Variants in MED13 observed in about 807,000 individuals in gnomAD.
The protein encoded by MED13 is mediator of RNA polymerase II transcription subunit 13.
Under a neutral mutation model 225.2 loss-of-function variants are expected in MED13, and 23 were observed. That is an observed-to-expected ratio of 0.10 (90% CI 0.07 to 0.14). MED13 has a LOEUF of 0.14. Among genes scored for constraint, MED13 ranks in the 10% least tolerant of loss-of-function variants. MED13 has a pLI of 1.00. For missense variants in MED13, 2,197 were observed against 2,594.5 expected (o/e 0.85, Z 3.33); for synonymous variants, 942 against 889.2 (o/e 1.06, Z -1.06).
intron 8 of MED13, among the ~76,000 whole-genome samples, chr17:62,015,860 AGTGTGTATGTGT>A (rs1224530900): frequency 1.1e-5 from 1 of 93,354 alleles, no homozygotes; most frequent in Non-Finnish European, 2.0e-5. Context: ...ATATGTGTAT[AGTGTGTATGTGT>A]GTGTGTATAT....
chr17:61,960,954 T>C lies in MED13; in HGVS notation c.5393A>G (p.His1798Arg). ...AGATGCAAGAATCCACCTTTGATCA[T>C]GTGATAAACAGTATCCCACAAAAAG... ...NVLFVGYCLS[H>R]DQRWILASCT... is the part of the protein sequence containing the mutation. The change falls in exon 23 of 30, where the codon CAT (histidine) becomes CGT (arginine). Residue 1798 changes from histidine (H) to arginine (R), a missense_variant. His to Arg is a conservative substitution (Grantham distance 29, BLOSUM62 0). Coordinates refer to ENST00000397786, the MANE Select transcript of MED13 (RefSeq NM_005121.3). 6.2e-7 allele frequency: 1 copy of C among 1,613,964 alleles called. No individual in the cohort carries two copies. Among genetic ancestry groups the C allele is most frequent in the East Asian group, 2.2e-5 (1 of 44,836 alleles).
chr17:62,001,131 A>C (rs1445144326), intron 9 of MED13, among the ~76,000 whole-genome samples: 1 of 152,190 alleles, frequency 6.6e-6, no homozygotes, highest in Non-Finnish European at 1.5e-5. Flanking sequence ...CAGAAAAATT[A>C]AGTTTGGTAA....
intron 15 of MED13, 74 bp downstream of exon 15, chr17:61,984,097 A>G: frequency 8.9e-7 from 1 of 1,119,004 alleles, no homozygotes; most frequent in Non-Finnish European, 1.2e-6. Flanking sequence ...TTTCCAGCAT[A>G]CCAGGTAAAT....
intron 20 of MED13, 66 bp downstream of exon 20, chr17:61,964,938 GAA>G: frequency 7.1e-7 from 1 of 1,404,456 alleles, no homozygotes; most frequent in Non-Finnish European, 9.6e-7. Context: ...TGTGTCTCAA[GAA>G]AAAAAAAGAA....
intron 23 of MED13, among the ~76,000 whole-genome samples, chr17:61,959,298 G>A (rs771993940): frequency 6.6e-6 from 1 of 152,144 alleles, no homozygotes; most frequent in Non-Finnish European, 1.5e-5. Context: ...AGAGGCATGA[G>A]TCACCATGCC....
chr17:62,012,197 C>T (rs1031945997), intron 8 of MED13, among the ~76,000 whole-genome samples: 3 of 151,324 alleles, frequency 2.0e-5, no homozygotes, highest in African/African-American at 7.3e-5. Flanking sequence ...GCCTGGGTGA[C>T]AGAGCAAGAC....
chr17:61,973,615 A>G (rs1202653338), intron 16 of MED13, among the ~76,000 whole-genome samples: 1 of 152,204 alleles, frequency 6.6e-6, no homozygotes, highest in African/African-American at 2.4e-5. Context: ...GCACAGTTAT[A>G]TTAAATTATT....
chr17:62,011,494 T>A (rs1279488426), intron 8 of MED13, among the ~76,000 whole-genome samples: 1 of 152,222 alleles, frequency 6.6e-6, no homozygotes, highest in African/African-American at 2.4e-5. Flanking sequence ...AAAGATTATG[T>A]CTTACATGAT....
intron 11 of MED13, 73 bp from the exon 12 acceptor site, chr17:61,987,201 C>G: frequency 1.9e-6 from 2 of 1,052,916 alleles, no homozygotes; most frequent in Non-Finnish European, 2.7e-6. Flanking sequence ...CTTTGGGAGG[C>G]CGAGGAGGGT....
rs539506858 is a variant in MED13 at position 61,961,001 on chromosome 17, T to G, written c.5346A>C (p.Glu1782Asp). The change falls in exon 23 of 30, where the codon GAA becomes GAC. Residue 1782 changes from glutamate to aspartate, a missense_variant. This residue lies in a region of MED13 where 5 missense variants were observed against 20.5 expected (regional missense o/e 0.24). Transcript: ENST00000397786. ...AAAGAACATTATATTTCTGTCCAGC[T>G]TCTCCAAATGTTTCTCCTAGCTCTG... is the stretch of plus-strand genomic sequence containing the variant. ...KQTELGETFGEAGQKYNVLFV... is the reference protein window; with the variant it reads ...KQTELGETFGDAGQKYNVLFV... 1 of 1,614,024 alleles carries G rather than the reference T, an allele frequency of 6.2e-7. No individual in the cohort carries two copies. Among genetic ancestry groups the G allele is most frequent in the African/African-American group, 1.3e-5 (1 of 75,054 alleles).
chr17:61,959,765 G>A (rs2079981999), intron 23 of MED13, among the ~76,000 whole-genome samples: 1 of 122,680 alleles, frequency 8.2e-6, no homozygotes, highest in South Asian at 2.6e-4. Context: ...GTCTTACTCT[G>A]TCGCCCACGT....
rs1299541763 is a variant in MED13, at chr17:61,942,643, GTTTT to G, written c.*3821_*3824del. The G allele has an allele frequency of 1.4e-5, 2 of 148,134 alleles. No homozygotes were observed. The highest frequency in any genetic ancestry group is 3.0e-5 in the Non-Finnish European group (2 of 66,678). The allele number at this position is 148,134 out of a possible 1,614,324, so 9.2% of individuals were successfully genotyped here. ...AATAATTTATTCCATTTGAAGTTTT[GTTTT>G]TTGTTTTTGTTTTTTTTTTTTTAAA... On this transcript the variant is annotated 3_prime_UTR_variant, in exon 30 of 30. Transcript: ENST00000397786.
chr17:62,061,984 G>A (rs1007038732), intron 2 of MED13, among the ~76,000 whole-genome samples: 5 of 152,136 alleles, frequency 3.3e-5, no homozygotes, highest in Admixed American at 6.5e-5. Flanking sequence ...ACATACAAAT[G>A]TAACACGTAC....
At chr17:62,056,714 T>C (rs1320457554) in intron 2 of MED13, among the ~76,000 whole-genome samples, 2 of 152,086 alleles carry the variant, frequency 1.3e-5, no homozygotes, top group Non-Finnish European at 2.9e-5. Flanking sequence ...TGAGCTATGA[T>C]TAAGCACTGC....
intron 28 of MED13, among the ~76,000 whole-genome samples, chr17:61,949,013 G>A (rs1447265543): frequency 5.3e-5 from 8 of 150,538 alleles, no homozygotes; most frequent in African/African-American, 7.3e-5. Flanking sequence ...GCGTGAACCC[G>A]GGAGGCGGAG....
Position 62,031,460 on chromosome 17 carries a change from A to C in MED13, c.993T>G (p.Pro331=). The C allele has an allele frequency of 2.5e-6, 4 of 1,607,534 alleles. No homozygotes were observed. The highest frequency in any genetic ancestry group is 3.4e-6 in the Non-Finnish European group (4 of 1,176,992). ...CTGCTATACCTGTTTGGACTTCCTC[A>C]GGAGACGTAGGTGGTGTAAGCGTAA... ...SSVTLTPPTS[P]EEVQTVDPQS... is the part of the protein sequence containing the mutation. Residue 331 remains proline, a synonymous_variant, in exon 6 of 30, where the codon CCT becomes CCG. Coordinates refer to ENST00000397786, the MANE Select transcript of MED13 (RefSeq NM_005121.3).
At chr17:62,046,666 G>A (rs1415465250) in intron 3 of MED13, among the ~76,000 whole-genome samples, 1 of 152,002 alleles carries the variant, frequency 6.6e-6, no homozygotes, top group African/African-American at 2.4e-5. Flanking sequence ...GTGATATCTT[G>A]TCTCTACAAA....
chr17:61,953,174 A>G (rs2079911655), intron 26 of MED13, 61 bp from the exon 27 acceptor site: 1 of 1,515,140 alleles, frequency 6.6e-7, no homozygotes, highest in Non-Finnish European at 8.9e-7. Context: ...GGTCATTCAC[A>G]GGAAAGGGTC....
chr17:62,062,601 CA>C (rs1568010361), intron 2 of MED13, among the ~76,000 whole-genome samples: 4 of 10,206 alleles, frequency 3.9e-4, no homozygotes, highest in Non-Finnish European at 7.3e-4. Context: ...ACACACACAC[CA>C]CACACACACA....
Sources: allele counts gnomAD v4.1 joint callset (sites outside exome capture counted in the v4.1 genomes callset), GRCh38; gene constraint gnomAD v4.1.1; regional missense constraint gnomAD v4.1.1; transcripts MANE v1.5; gene names NCBI Gene and HGNC (gene_info 2026-07-23, HGNC 2026-07-21).